Variants in FOXK2 observed in about 807,000 individuals in gnomAD.
FOXK2 encodes forkhead box protein K2.
Under a neutral mutation model 53.3 loss-of-function variants are expected in FOXK2, and 24 were observed. The observed-to-expected ratio is 0.45, with a 90% CI of 0.33 to 0.63. The LOEUF (loss-of-function observed/expected upper bound fraction) is 0.63. Ranked by LOEUF, FOXK2 falls within the 30% of genes least tolerant of loss-of-function variation. The pLI, the probability that FOXK2 is intolerant of heterozygous loss-of-function variation, is 0.03. For missense variants in FOXK2, 952 were observed against 910.5 expected, an observed-to-expected ratio of 1.05 and a Z score of -0.59; for synonymous variants, 505 against 407.1, an observed-to-expected ratio of 1.24 and a Z score of -2.89.
chr17:82,548,871 C>T (rs964685170), intron 1 of FOXK2, among the ~76,000 whole-genome samples: 2 of 152,148 alleles, frequency 1.3e-5, no homozygotes, highest in East Asian at 3.9e-4. Context: ...GCATTCTCAC[C>T]TCCGAGGAGC....
intron 1 of FOXK2, among the ~76,000 whole-genome samples, chr17:82,549,159 C>T (rs910715854): frequency 6.6e-6 from 1 of 152,166 alleles, no homozygotes; most frequent in Admixed American, 6.6e-5. Flanking sequence ...CCTCCCTCCT[C>T]TTCTGGGTGT....
chr17:82,573,562 T>TCACACACA (rs1019671658), intron 4 of FOXK2, among the ~76,000 whole-genome samples: 72 of 83,360 alleles, frequency 8.6e-4, no homozygotes, highest in Admixed American at 1.2e-3. Flanking sequence ...TCTCTCTCTC[T>TCACACACA]CACACACACA....
chr17:82,553,223 A>T (rs2044693797), intron 1 of FOXK2, among the ~76,000 whole-genome samples: 1 of 152,236 alleles, frequency 6.6e-6, no homozygotes, highest in Admixed American at 6.5e-5. Context: ...GGCGTGAGCC[A>T]CCGTGCCCAG....
intron 4 of FOXK2, 59 bp from the exon 5 acceptor site, chr17:82,582,682 C>T: frequency 4.3e-6 from 6 of 1,405,914 alleles, no homozygotes; most frequent in Non-Finnish European, 5.8e-6. Context: ...AACGAGGACA[C>T]ATTTTTATTT....
chr17:82,584,844 G>T (rs199625051), intron 6 of FOXK2, among the ~76,000 whole-genome samples: 4 of 152,146 alleles, frequency 2.6e-5, no homozygotes, highest in Non-Finnish European at 5.9e-5. Context: ...GAGCCACCAC[G>T]CCCAGCCTAA....
At chr17:82,550,259 G>A (rs2044663201) in intron 1 of FOXK2, among the ~76,000 whole-genome samples, 1 of 152,174 alleles carries the variant, frequency 6.6e-6, no homozygotes, top group Admixed American at 6.5e-5. Flanking sequence ...GCCTGCCATA[G>A]TGTTTTTAAT....
intron 7 of FOXK2, among the ~76,000 whole-genome samples, chr17:82,586,692 A>G (rs1470579406): frequency 2.6e-5 from 4 of 152,044 alleles, no homozygotes; most frequent in African/African-American, 4.8e-5. Context: ...ACCTGAGGTT[A>G]GGAGTTGGAG....
chr17:82,588,397 A>G (rs1221327219), intron 8 of FOXK2: 2 of 159,118 alleles, frequency 1.3e-5, no homozygotes, highest in Non-Finnish European at 2.7e-5. Flanking sequence ...AGGGCTGGCG[A>G]TTGGAGGGCA....
At chr17:82,560,367 A>G (rs927559980) in intron 1 of FOXK2, among the ~76,000 whole-genome samples, 1 of 148,448 alleles carries the variant, frequency 6.7e-6, no homozygotes, top group African/African-American at 2.5e-5. Context: ...GTCTCAAACT[A>G]TCCTCCTGTT....
chr17:82,570,038 C>G (rs998708451), intron 3 of FOXK2, among the ~76,000 whole-genome samples: 2 of 149,628 alleles, frequency 1.3e-5, no homozygotes, highest in East Asian at 4.0e-4. Flanking sequence ...CTGGCTAACA[C>G]GGTGAAATCC....
chr17:82,573,572 A>T (rs902748844), intron 4 of FOXK2, among the ~76,000 whole-genome samples: 137 of 131,514 alleles, frequency 1.0e-3, no homozygotes, highest in African/African-American at 3.6e-3. Context: ...TCACACACAC[A>T]CACACACACA....
In FOXK2 at chr17:82,563,334, G is replaced by T. The variant is rs747226726; in HGVS notation, c.420-20G>T. On this transcript the variant is annotated intron_variant, in intron 1 of 8. Transcript: ENST00000335255. ...GGCTGGAACAGCAAAAGGTGCTGAT[G>T]GTGGGCTTTTCTTTTCCAGGTGCAC... is the stretch of plus-strand genomic sequence containing the variant. 2 of 1,605,948 alleles carry T rather than the reference G, an allele frequency of 1.2e-6. No individual in the cohort carries two copies. The highest frequency in any genetic ancestry group is 2.2e-5 in the South Asian group (2 of 90,006).
At chr17:82,563,609 GCCTTTCT>G in intron 2 of FOXK2, 61 bp downstream of exon 2, 3 of 1,468,292 alleles carry the variant, frequency 2.0e-6, no homozygotes, top group Non-Finnish European at 2.8e-6. Flanking sequence ...CCCAAGTAAC[GCCTTTCT>G]CCTTCCCTGG....
At chr17:82,551,103 C>T (rs1259881856) in intron 1 of FOXK2, among the ~76,000 whole-genome samples, 2 of 148,984 alleles carry the variant, frequency 1.3e-5, no homozygotes, top group African/African-American at 4.9e-5. Context: ...GGATCACAAG[C>T]TCAGGAGACT....
At chr17:82,576,792 T>G (rs1355525121) in intron 4 of FOXK2, 1 of 597,868 alleles carries the variant, frequency 1.7e-6, no homozygotes, top group Non-Finnish European at 3.0e-6. Flanking sequence ...TGCTGTAATG[T>G]GGTGGTGAAA....
chr17:82,575,736 C>G (rs2044974539), intron 4 of FOXK2, among the ~76,000 whole-genome samples: 1 of 152,160 alleles, frequency 6.6e-6, no homozygotes, highest in Non-Finnish European at 1.5e-5. Context: ...ACAGGAGATT[C>G]TGAAATCTCA....
intron 1 of FOXK2, among the ~76,000 whole-genome samples, chr17:82,562,371 G>A (rs747097587): frequency 1.3e-5 from 2 of 152,130 alleles, no homozygotes; most frequent in East Asian, 3.9e-4. Flanking sequence ...ACGTGAGGTC[G>A]CGAGTTCGAG....
chr17:82,563,315 A>T (rs765125671), intron 1 of FOXK2, 39 bp from the exon 2 acceptor site: 28 of 1,588,344 alleles, frequency 1.8e-5, no homozygotes, highest in South Asian at 2.3e-5. Flanking sequence ...CCCCGGCTGG[A>T]ACAGCAAAAG....
intron 1 of FOXK2, among the ~76,000 whole-genome samples, chr17:82,523,316 C>T (rs924742827): frequency 2.6e-5 from 4 of 152,058 alleles, no homozygotes; most frequent in African/African-American, 9.7e-5. Flanking sequence ...AGCATTTGTG[C>T]GGTGTGAATT....
Sources: allele counts gnomAD v4.1 joint callset (sites outside exome capture counted in the v4.1 genomes callset), GRCh38; gene constraint gnomAD v4.1.1; transcripts MANE v1.5; gene names NCBI Gene and HGNC (gene_info 2026-07-23, HGNC 2026-07-21).